The following PVALEF variants were observed in gnomAD, a reference collection of about 807,000 sequenced individuals.
The protein encoded by PVALEF is parvalbumin-like EF-hand-containing protein.
Under a neutral mutation model 1.2 loss-of-function variants are expected in PVALEF, and 2 were observed. That is an observed-to-expected ratio of 1.68 (90% CI 0.69 to 5.28). The LOEUF is 5.28. Ranked by LOEUF, PVALEF falls within the 30% of genes most tolerant of loss-of-function variation. The pLI is 0.06. For synonymous variants in PVALEF, 16 were observed against 6.5 expected, an observed-to-expected ratio of 2.47 and a Z score of -2.24; for missense variants, 35 against 17.7, an observed-to-expected ratio of 1.97 and a Z score of -1.75.
chr17:81,170,615 G>A (rs922076892), intron 2 of PVALEF, among the ~76,000 whole-genome samples: 1 of 152,146 alleles, frequency 6.6e-6, no homozygotes, highest in African/African-American at 2.4e-5. Flanking sequence ...GTCAGGACAA[G>A]GTCAGCACCT....
rs762779798 is a variant in PVALEF, at chr17:81,165,726, G to T, written c.-529G>T. 6.6e-7 allele frequency: 1 copy of T among 1,522,224 alleles called. No individual in the cohort carries two copies. Among genetic ancestry groups the T allele is most frequent in the Non-Finnish European group, 8.8e-7 (1 of 1,136,906 alleles). 94.3% of individuals were successfully genotyped at this position (1,522,224 alleles called of 1,614,324 possible). ...ACGGAGTCACGACCACGCGGGGGACGCCAGCCCACAGGCGGAGGCCGGTTT... is the reference window on the plus strand; with the variant it reads ...ACGGAGTCACGACCACGCGGGGGACTCCAGCCCACAGGCGGAGGCCGGTTT... On this transcript the variant is annotated 5_prime_UTR_variant, in exon 1 of 7. Transcript: ENST00000637878.
chr17:81,175,031 C>G (rs190309320), intron 2 of PVALEF, among the ~76,000 whole-genome samples: 15 of 152,026 alleles, frequency 9.9e-5, no homozygotes, highest in African/African-American at 3.4e-4. Flanking sequence ...AAAAAAACTG[C>G]TAGAGCTAAT....
intron 2 of PVALEF, among the ~76,000 whole-genome samples, chr17:81,169,049 G>A (rs2061508901): frequency 6.6e-6 from 1 of 152,226 alleles, no homozygotes; most frequent in Admixed American, 6.5e-5. Context: ...GCCACAGAGT[G>A]TGTGATTCCA....
intron 2 of PVALEF, among the ~76,000 whole-genome samples, chr17:81,169,219 C>T (rs1340215513): frequency 1.3e-5 from 2 of 152,182 alleles, no homozygotes; most frequent in Non-Finnish European, 2.9e-5. Flanking sequence ...TGGCTGCCCA[C>T]CCTGGTGAAG....
chr17:81,171,530 T>C (rs1256973479), intron 2 of PVALEF, among the ~76,000 whole-genome samples: 1 of 152,140 alleles, frequency 6.6e-6, no homozygotes, highest in African/African-American at 2.4e-5. Context: ...CTCACTCTGT[T>C]ACCTAGGCTG....
At chr17:81,181,475 G>A in intron 4 of PVALEF, 84 bp from the exon 5 acceptor site, 1 of 497,688 alleles carries the variant, frequency 2.0e-6, no homozygotes, top group Non-Finnish European at 3.5e-6. Context: ...GGACCCGGCA[G>A]CCCCCATCCC....
rs2061556577 is a variant in PVALEF, at chr17:81,182,093, AC to A, written c.358+13del. 2.5e-6 allele frequency: 1 copy of A among 398,610 alleles called. No individual in the cohort carries two copies. The highest frequency in any genetic ancestry group is 2.1e-5 in the African/African-American group (1 of 48,626). The allele number at this position is 398,610 out of a possible 1,614,324, so 24.7% of individuals were successfully genotyped here. A position where few individuals can be genotyped will look rare whatever the true frequency, so the allele number is the denominator to read the frequency against. ...GATCAACTACGAAGGTGGGGGCAGC[AC>A]AGCCGGGGCACCCTCAGGACCCTCC... On this transcript the variant is annotated intron_variant, in intron 6 of 6. Transcript: ENST00000637878.
chr17:81,170,152 A>G (rs542081821), intron 2 of PVALEF, among the ~76,000 whole-genome samples: 188 of 140,958 alleles, frequency 1.3e-3, no homozygotes, highest in Non-Finnish European at 1.2e-3. Context: ...ATGTGTGTGC[A>G]TATGTGGTGT....
At chr17:81,171,387 G>A (rs1025758898) in intron 2 of PVALEF, among the ~76,000 whole-genome samples, 1 of 152,220 alleles carries the variant, frequency 6.6e-6, no homozygotes, top group African/African-American at 2.4e-5. Flanking sequence ...TTGTGGCCCA[G>A]GCGGGCCAGG....
At chr17:81,165,950 G>C in intron 1 of PVALEF, 2 of 1,583,928 alleles carry the variant, frequency 1.3e-6, no homozygotes, top group African/African-American at 1.4e-5. Context: ...GGGTCGAAGT[G>C]CGAGCTGAAG....
chr17:81,167,880 G>A (rs1435512468), intron 2 of PVALEF, among the ~76,000 whole-genome samples: 1 of 152,236 alleles, frequency 6.6e-6, no homozygotes, highest in Non-Finnish European at 1.5e-5. Context: ...AGAGGCCTTG[G>A]GCCACCTCGT....
rs12946891 is a variant in PVALEF at position 81,166,705 on chromosome 17, C to G, written c.-479C>G. The G allele has an allele frequency of 0.39, 179,473 of 454,778 alleles. 38,213 individuals carry two copies. Among genetic ancestry groups the G allele is most frequent in the Admixed American group, 0.5 (21,242 of 42,528 alleles). 28.2% of individuals were successfully genotyped at this position (454,778 alleles called of 1,614,324 possible). A position where few individuals can be genotyped will look rare whatever the true frequency, so the allele number is the denominator to read the frequency against. On this transcript the variant is annotated 5_prime_UTR_variant, in exon 2 of 7. Transcript: ENST00000637878. Reference sequence around the variant, plus strand: ...TCGAGGCGGCTGGCAGCCGCCCCCCCACCCCATGCCCTTTGGGTGGCACCT... The same window carrying G: ...TCGAGGCGGCTGGCAGCCGCCCCCCGACCCCATGCCCTTTGGGTGGCACCT...
chr17:81,179,061 C>T lies in PVALEF; in HGVS notation c.-196C>T, dbSNP rs1162482864. The T allele has an allele frequency of 2.2e-6, 1 of 454,872 alleles. No individual in the cohort carries two copies. Among genetic ancestry groups the T allele is most frequent in the Non-Finnish European group, 4.4e-6 (1 of 225,234 alleles). The allele number at this position is 454,872 out of a possible 1,614,324, so 28.2% of individuals were successfully genotyped here. On this transcript the variant is annotated 5_prime_UTR_variant, in exon 3 of 7. An upstream open reading frame in the 5' UTR gains an earlier in-frame stop. Transcript: ENST00000637878. ...GACAGCTGCAGCCCCGAGATGTAAA[C>T]AGGCTTGCAGGTATAAAAGCTGGAG...
At chr17:81,176,866 C>G (rs1363459209) in intron 2 of PVALEF, among the ~76,000 whole-genome samples, 1 of 151,862 alleles carries the variant, frequency 6.6e-6, no homozygotes. Flanking sequence ...AATCCAGGAT[C>G]CATGAACAGG....
intron 2 of PVALEF, among the ~76,000 whole-genome samples, chr17:81,176,380 A>G (rs923567974): frequency 6.6e-6 from 1 of 152,120 alleles, no homozygotes; most frequent in Non-Finnish European, 1.5e-5. Flanking sequence ...TTAGCCGGGC[A>G]TGGTGGCACA....
chr17:81,172,971 A>G, intron 2 of PVALEF, among the ~76,000 whole-genome samples: 1 of 151,920 alleles, frequency 6.6e-6, no homozygotes, highest in Admixed American at 6.6e-5. Context: ...TCAGGTGGAG[A>G]AGCGGCGGCG....
intron 1 of PVALEF, 142 bp downstream of exon 1, chr17:81,165,889 C>A: frequency 5.2e-6 from 8 of 1,552,700 alleles, no homozygotes; most frequent in Non-Finnish European, 7.0e-6. Flanking sequence ...GCATCACGTC[C>A]GCAGCGGAGG....
At chr17:81,169,936 G>T (rs533746729) in intron 2 of PVALEF, among the ~76,000 whole-genome samples, 53 of 151,982 alleles carry the variant, frequency 3.5e-4, no homozygotes, top group African/African-American at 1.3e-3. Context: ...ATGTGTGTCT[G>T]CATATGTGTA....
intron 2 of PVALEF, among the ~76,000 whole-genome samples, chr17:81,176,603 C>T (rs1010331156): frequency 2.6e-5 from 4 of 151,770 alleles, no homozygotes; most frequent in Admixed American, 1.3e-4. Context: ...AAAAAACCTC[C>T]AGAGAATCAC....
Sources: allele counts gnomAD v4.1 joint callset (sites outside exome capture counted in the v4.1 genomes callset), GRCh38; gene constraint gnomAD v4.1.1; transcripts MANE v1.5; gene names NCBI Gene and HGNC (gene_info 2026-07-23, HGNC 2026-07-21).